Variants in SLC44A5 observed in about 807,000 individuals in gnomAD.
SLC44A5 encodes the protein choline transporter-like protein 5.
In SLC44A5, 57 loss-of-function variants were observed where a neutral mutation model predicts 101.8. The observed-to-expected ratio is 0.56, with a 90% CI of 0.45 to 0.70. SLC44A5 has a LOEUF of 0.70. Among genes scored for constraint, SLC44A5 ranks in the 30% least tolerant of loss-of-function variants. The pLI is 0.00. For synonymous variants in SLC44A5, 281 were observed against 290.9 expected, an observed-to-expected ratio of 0.97 and a Z score of 0.35; for missense variants, 737 against 853.1, an observed-to-expected ratio of 0.86 and a Z score of 1.70.
At chr1:75,611,668 A>G (rs574714702), upstream of SLC44A5, among the ~76,000 whole-genome samples, 2 of 152,354 alleles carry the variant, frequency 1.3e-5, no homozygotes, top group East Asian at 3.9e-4. Context: ...CAAATGCTTC[A>G]TTATAAAAAG....
chr1:75,708,415 A>AT, the SLC44A5 span, among the ~76,000 whole-genome samples: 1 of 142,474 alleles, frequency 7.0e-6, no homozygotes, highest in Non-Finnish European at 1.5e-5. Flanking sequence ...CTCCGTCTCA[A>AT]AAAAAAAAAA....
At chr1:75,657,982 T>C in the SLC44A5 span, among the ~76,000 whole-genome samples, 1 of 152,230 alleles carries the variant, frequency 6.6e-6, no homozygotes. Flanking sequence ...GAACATTTCA[T>C]GCAAACTGTT....
At position 75,406,153 on chromosome 1, in the gene SLC44A5, C is replaced by T. The variant is rs181339718; in HGVS notation, c.14-9532G>A. Among the ~76,000 whole-genome samples, 94 of 152,216 alleles carry T rather than the reference C, an allele frequency of 6.2e-4. 1 individual carries two copies. The highest frequency in any genetic ancestry group is 2.2e-3 in the African/African-American group (92 of 41,560). ...CCTGGACACATACAACCTCCCAAGA[C>T]TAAACCAAGAAGAAGTTAAGTCCCT... is the stretch of plus-strand genomic sequence containing the variant. On this transcript the variant is annotated intron_variant, in intron 2 of 23. Coordinates refer to ENST00000370859, the MANE Select transcript of SLC44A5 (RefSeq NM_001130058.2).
intron 5 of SLC44A5, among the ~76,000 whole-genome samples, chr1:75,279,673 T>C (rs375155804): frequency 2.0e-5 from 3 of 152,176 alleles, no homozygotes; most frequent in African/African-American, 7.2e-5. Context: ...CTTTGGCTTA[T>C]ATTTTGAATT....
chr1:75,441,940 C>G (rs1214409212), intron 2 of SLC44A5, among the ~76,000 whole-genome samples: 1 of 152,040 alleles, frequency 6.6e-6, no homozygotes, highest in Non-Finnish European at 1.5e-5. Flanking sequence ...AGATGTGTGT[C>G]CATATATTCC....
chr1:75,407,908 A>G (rs1662988061), intron 2 of SLC44A5, among the ~76,000 whole-genome samples: 1 of 152,266 alleles, frequency 6.6e-6, no homozygotes, highest in Admixed American at 6.5e-5. Context: ...AGAAACTATC[A>G]TCAGCGTGAA....
the SLC44A5 span, among the ~76,000 whole-genome samples, chr1:75,669,877 G>T: frequency 6.6e-6 from 1 of 152,162 alleles, no homozygotes; most frequent in Non-Finnish European, 1.5e-5. Flanking sequence ...TGAATGAAAG[G>T]GTTTCTGCCA....
intron 21 of SLC44A5, 44 bp from the exon 22 acceptor site, chr1:75,213,837 G>A (rs757919213): frequency 1.9e-6 from 3 of 1,552,526 alleles, no homozygotes; most frequent in African/African-American, 1.4e-5. Flanking sequence ...TTTTGCAAAA[G>A]AATATAGTTT....
intron 2 of SLC44A5, 66 bp from the exon 3 acceptor site, chr1:75,396,687 CAT>C: frequency 8.3e-7 from 1 of 1,206,402 alleles, no homozygotes; most frequent in Non-Finnish European, 1.2e-6. Context: ...GTTCTATACA[CAT>C]CTCTCCTTAT....
chr1:75,627,311 TAAC>T, the SLC44A5 span, among the ~76,000 whole-genome samples: 2 of 152,092 alleles, frequency 1.3e-5, no homozygotes, highest in Non-Finnish European at 2.9e-5. Flanking sequence ...AAGTAATCCT[TAAC>T]AAGAGCAGTA....
chr1:75,717,066 G>A, the SLC44A5 span, among the ~76,000 whole-genome samples: 28 of 151,822 alleles, frequency 1.8e-4, no homozygotes, highest in Non-Finnish European at 2.4e-4. Flanking sequence ...ATAAAATATG[G>A]TACATATATA....
intron 23 of SLC44A5, chr1:75,206,757 C>T (rs1380717789): frequency 8.6e-7 from 1 of 1,166,118 alleles, no homozygotes; most frequent in Non-Finnish European, 1.3e-6. Context: ...AAAGCAGAAG[C>T]AGCAGAACAA....
intron 2 of SLC44A5, among the ~76,000 whole-genome samples, chr1:75,534,791 C>T (rs1485434997): frequency 6.6e-6 from 1 of 152,102 alleles, no homozygotes; most frequent in African/African-American, 2.4e-5. Flanking sequence ...TTTAATTACT[C>T]AGTTTAAATT....
chr1:75,441,636 A>G (rs577444475), intron 2 of SLC44A5, among the ~76,000 whole-genome samples: 4 of 152,252 alleles, frequency 2.6e-5, no homozygotes, highest in African/African-American at 7.2e-5. Flanking sequence ...TACATTGTGT[A>G]CAAGTAACAC....
At chr1:75,608,704 A>G (rs1675472834) in intron 1 of SLC44A5, among the ~76,000 whole-genome samples, 1 of 151,776 alleles carries the variant, frequency 6.6e-6, no homozygotes. Flanking sequence ...CAAACATACC[A>G]GGTATATTTT....
At chr1:75,464,023 T>A (rs1666666634) in intron 2 of SLC44A5, among the ~76,000 whole-genome samples, 1 of 151,756 alleles carries the variant, frequency 6.6e-6, no homozygotes, top group Non-Finnish European at 1.5e-5. Flanking sequence ...GAAATCAAGA[T>A]CATCCTGGCT....
chr1:75,355,943 G>A (rs1659031993), intron 3 of SLC44A5, among the ~76,000 whole-genome samples: 1 of 152,052 alleles, frequency 6.6e-6, no homozygotes, highest in African/African-American at 2.4e-5. Context: ...TGAAGTCAGT[G>A]GCTCATGTCT....
intron 1 of SLC44A5, among the ~76,000 whole-genome samples, chr1:75,549,895 A>T (rs1671845671): frequency 3.3e-5 from 5 of 152,156 alleles, no homozygotes; most frequent in Admixed American, 2.6e-4. Flanking sequence ...AACAGAGATC[A>T]GTATGGCTGG....
At chr1:75,634,047 A>G in the SLC44A5 span, among the ~76,000 whole-genome samples, 1 of 152,300 alleles carries the variant, frequency 6.6e-6, no homozygotes, top group Non-Finnish European at 1.5e-5. Context: ...ATATTGAACC[A>G]GCCTTGCATC....
Sources: allele counts gnomAD v4.1 joint callset (sites outside exome capture counted in the v4.1 genomes callset), GRCh38; gene constraint gnomAD v4.1.1; transcripts MANE v1.5; gene names NCBI Gene and HGNC (gene_info 2026-07-23, HGNC 2026-07-21).